WWOX: variants seen among roughly 807,000 people sequenced by gnomAD.
WWOX encodes WW domain-containing oxidoreductase.
Under a neutral mutation model 46.2 loss-of-function variants are expected in WWOX, and 69 were observed. The ratio of observed to expected loss-of-function variants is 1.49; its 90% CI spans 1.23 to 1.82. WWOX has a LOEUF of 1.82. WWOX is among the 40% of genes most tolerant of loss of function. The pLI, the probability that WWOX is intolerant of heterozygous loss-of-function variation, is 0.00. For missense variants in WWOX, 919 were observed against 542.6 expected (o/e 1.69, Z -6.89); for synonymous variants, 359 against 202.6 (o/e 1.77, Z -6.56).
At chr16:78,204,232 C>T (rs2036321560) in intron 5 of WWOX, among the ~76,000 whole-genome samples, 1 of 152,056 alleles carries the variant, frequency 6.6e-6, no homozygotes, top group Non-Finnish European at 1.5e-5. Flanking sequence ...TTTTTTTGTT[C>T]TTTTAAACCC....
chr16:78,556,193 A>T (rs1031421047), intron 8 of WWOX, among the ~76,000 whole-genome samples: 1 of 152,048 alleles, frequency 6.6e-6, no homozygotes, highest in Non-Finnish European at 1.5e-5. Flanking sequence ...TTTAACAGCA[A>T]ATGCCAGCCT....
chr16:79,210,301 T>A (rs2051681629), intron 8 of WWOX, among the ~76,000 whole-genome samples: 1 of 152,202 alleles, frequency 6.6e-6, no homozygotes, highest in African/African-American at 2.4e-5. Flanking sequence ...CGTAACACCT[T>A]CCTTGGGACC....
chr16:78,587,412 A>C (rs1044701623), intron 8 of WWOX, among the ~76,000 whole-genome samples: 2 of 152,110 alleles, frequency 1.3e-5, no homozygotes, highest in Admixed American at 1.3e-4. Flanking sequence ...AAGAATAATA[A>C]AAAGAAACAA....
intron 8 of WWOX, among the ~76,000 whole-genome samples, chr16:78,942,129 C>T (rs566028404): frequency 3.7e-4 from 57 of 152,264 alleles, no homozygotes; most frequent in Non-Finnish European, 1.0e-4. Flanking sequence ...AAGCGCCCTC[C>T]TTTTCTAGTA....
intron 8 of WWOX, among the ~76,000 whole-genome samples, chr16:78,779,434 C>A (rs9923576): frequency 1.3e-5 from 2 of 152,112 alleles, no homozygotes; most frequent in Non-Finnish European, 2.9e-5. Flanking sequence ...CCGTGTCCGG[C>A]CCCCCTTTCT....
chr16:78,868,616 C>A (rs1333192901), intron 8 of WWOX, among the ~76,000 whole-genome samples: 4 of 152,184 alleles, frequency 2.6e-5, no homozygotes, highest in Non-Finnish European at 5.9e-5. Context: ...GAAAGATTTT[C>A]ACCCATTCTG....
At chr16:78,610,010 A>T (rs79911712) in intron 8 of WWOX, among the ~76,000 whole-genome samples, 1 of 122,022 alleles carries the variant, frequency 8.2e-6, no homozygotes, top group Non-Finnish European at 1.5e-5. Context: ...ACCTTTATTT[A>T]GCAGAAGGTA....
chr16:78,258,777 T>C (rs1009826745), intron 5 of WWOX, among the ~76,000 whole-genome samples: 1 of 150,526 alleles, frequency 6.6e-6, no homozygotes, highest in African/African-American at 2.4e-5. Flanking sequence ...TTCTTTACTT[T>C]AAGTACTCCT....
At chr16:78,874,857 C>T (rs1211177671) in intron 8 of WWOX, among the ~76,000 whole-genome samples, 1 of 151,996 alleles carries the variant, frequency 6.6e-6, no homozygotes, top group African/African-American at 2.4e-5. Flanking sequence ...GACTTTCCTA[C>T]AGCAAGTGGT....
intron 8 of WWOX, among the ~76,000 whole-genome samples, chr16:78,624,639 A>G (rs896708150): frequency 6.6e-6 from 1 of 152,214 alleles, no homozygotes. Flanking sequence ...TGGCAAGCTG[A>G]GATGCTGAGA....
intron 8 of WWOX, among the ~76,000 whole-genome samples, chr16:78,799,082 A>G (rs891681406): frequency 1.3e-5 from 2 of 152,240 alleles, no homozygotes; most frequent in African/African-American, 2.4e-5. Flanking sequence ...TTTTGTCACA[A>G]TAAGTGTTTT....
chr16:78,368,145 C>G (rs149527905), intron 5 of WWOX, among the ~76,000 whole-genome samples: 26 of 152,264 alleles, frequency 1.7e-4, no homozygotes, highest in African/African-American at 6.3e-4. Context: ...ATTATGTCAA[C>G]TTTGTAAGGG....
At chr16:79,149,556 C>T (rs973768156) in intron 8 of WWOX, among the ~76,000 whole-genome samples, 2 of 152,220 alleles carry the variant, frequency 1.3e-5, no homozygotes, top group Non-Finnish European at 2.9e-5. Context: ...AAGAATATAG[C>T]TCCCTTCCTA....
At chr16:78,838,814 G>C (rs572731887) in intron 8 of WWOX, among the ~76,000 whole-genome samples, 7 of 152,198 alleles carry the variant, frequency 4.6e-5, no homozygotes, top group African/African-American at 1.7e-4. Context: ...CTGTACTCCA[G>C]CCTGGGCAAC....
At chr16:78,955,768 C>T (rs927027821) in intron 8 of WWOX, among the ~76,000 whole-genome samples, 1 of 151,826 alleles carries the variant, frequency 6.6e-6, no homozygotes, top group Non-Finnish European at 1.5e-5. Flanking sequence ...CTGCCTCAGC[C>T]TCCCGAGTAG....
intron 8 of WWOX, among the ~76,000 whole-genome samples, chr16:78,527,182 G>C (rs1425145047): frequency 6.6e-6 from 1 of 151,956 alleles, no homozygotes; most frequent in East Asian, 1.9e-4. Context: ...AATGATGTAG[G>C]AATGAACAGA....
chr16:78,712,683 A>G (rs373557382), intron 8 of WWOX, among the ~76,000 whole-genome samples: 8 of 152,140 alleles, frequency 5.3e-5, no homozygotes, highest in African/African-American at 1.9e-4. Flanking sequence ...AGTAGCCTTC[A>G]TTTTTTAAAG....
intron 8 of WWOX, among the ~76,000 whole-genome samples, chr16:78,727,748 C>G (rs1358219522): frequency 1.3e-5 from 2 of 152,054 alleles, no homozygotes; most frequent in Non-Finnish European, 2.9e-5. Context: ...GGATTGGACT[C>G]CATGGGAGAG....
intron 8 of WWOX, among the ~76,000 whole-genome samples, chr16:79,021,963 G>A (rs776920287): frequency 6.6e-6 from 1 of 152,316 alleles, no homozygotes; most frequent in East Asian, 1.9e-4. Flanking sequence ...CCCATGTGAC[G>A]TTCTCTCTGC....
Sources: gnomAD v4.1 joint callset for allele counts (sites outside exome capture counted in the v4.1 genomes callset) on GRCh38, gnomAD v4.1.1 for gene constraint, MANE v1.5 for transcripts, NCBI Gene and HGNC (gene_info 2026-07-23, HGNC 2026-07-21) for gene names.